Variants in ELAVL2 observed in about 807,000 individuals in gnomAD.
The protein encoded by ELAVL2 is ELAV like RNA binding protein 2.
A neutral mutation model predicts 34.6 loss-of-function variants in ELAVL2; 4 were observed. The ratio of observed to expected loss-of-function variants is 0.12; its 90% confidence interval spans 0.06 to 0.26. The LOEUF (loss-of-function observed/expected upper bound fraction) is 0.26, where lower values mean the gene tolerates loss of function less well. Among genes scored for constraint, ELAVL2 ranks in the 10% least tolerant of loss-of-function variants. The pLI is 1.00. For missense variants in ELAVL2, 432 were observed against 442.8 expected, an observed-to-expected ratio of 0.98 and a Z score of 0.22; for synonymous variants, 193 against 154.8, an observed-to-expected ratio of 1.25 and a Z score of -1.83.
At chr9:23,789,548 A>C (rs1486763281) in intron 1 of ELAVL2, among the ~76,000 whole-genome samples, 1 of 152,242 alleles carries the variant, frequency 6.6e-6, no homozygotes, top group Non-Finnish European at 1.5e-5. Context: ...ACACCTGCTG[A>C]ATGATAAAGC....
chr9:23,800,928 G>A (rs1203142207), intron 1 of ELAVL2, among the ~76,000 whole-genome samples: 1 of 152,070 alleles, frequency 6.6e-6, no homozygotes, highest in Non-Finnish European at 1.5e-5. Context: ...TTTCCTTCCT[G>A]CTTGTTGGAA....
In ELAVL2 at chr9:23,691,432, C is replaced by T; in HGVS notation, c.*1125G>A. The T allele has an allele frequency of 6.6e-6, 1 of 152,458 alleles. No individual in the cohort carries two copies. The highest frequency in any genetic ancestry group is 1.9e-4 in the East Asian group (1 of 5,186). 9.4% of individuals were successfully genotyped at this position (152,458 alleles called of 1,614,324 possible). A position where few individuals can be genotyped will look rare whatever the true frequency, so the allele number is the denominator to read the frequency against. On this transcript the variant is annotated 3_prime_UTR_variant, in exon 7 of 7. Coordinates refer to ENST00000397312, the MANE Select transcript of ELAVL2 (RefSeq NM_004432.5). ...TGTGCAACGTCTTTTTTCCTTAAGACAAAACAATTCTTCAAACAATACTGC... is the reference window on the plus strand; with the variant it reads ...TGTGCAACGTCTTTTTTCCTTAAGATAAAACAATTCTTCAAACAATACTGC...
At chr9:23,809,470 GCATATCTAAGA>G (rs2062684496) in intron 1 of ELAVL2, among the ~76,000 whole-genome samples, 1 of 152,048 alleles carries the variant, frequency 6.6e-6, no homozygotes, top group Non-Finnish European at 1.5e-5. Context: ...TATAAAAATT[GCATATCTAAGA>G]CATGAGAAAA....
Position 23,692,678 on chromosome 9 carries a change from C to A in ELAVL2, c.959G>T (p.Gly320Val), listed in dbSNP as rs780367763. The A allele has an allele frequency of 6.2e-7, 1 of 1,614,180 alleles. No homozygotes were observed. The highest frequency in any genetic ancestry group is 8.5e-7 in the Non-Finnish European group (1 of 1,180,000). The change falls in exon 7 of 7, where the codon GGA becomes GTA. Residue 320 changes from glycine to valine, a missense_variant. Physicochemically the swap from Gly to Val is moderately radical, Grantham distance 109. Around this residue, in one of 3 missense-constraint regions of ELAVL2, gnomAD observed 295 missense variants for 306.1 expected, o/e 0.96. Transcript: ENST00000397312. ...DFNTNKCKGF[G>V]FVTMTNYDEA... ...ATCATAGTTTGTCATAGTCACAAAT[C>A]CAAAACCTTTGCATTTATTGGTGTT... is the stretch of plus-strand genomic sequence containing the variant.
intron 1 of ELAVL2, among the ~76,000 whole-genome samples, chr9:23,772,118 G>A (rs1186354286): frequency 3.3e-5 from 5 of 152,146 alleles, no homozygotes; most frequent in African/African-American, 1.2e-4. Context: ...AGTTAACATA[G>A]TAATCAACAC....
chr9:23,771,945 C>T (rs768207492), intron 1 of ELAVL2, among the ~76,000 whole-genome samples: 39 of 152,178 alleles, frequency 2.6e-4, no homozygotes, highest in Admixed American at 5.9e-4. Flanking sequence ...CCCATTCTTT[C>T]ATTCCAACCT....
At chr9:23,697,758 G>C (rs571467502) in intron 5 of ELAVL2, among the ~76,000 whole-genome samples, 4 of 152,070 alleles carry the variant, frequency 2.6e-5, no homozygotes, top group African/African-American at 9.6e-5. Context: ...CTATGGGAAG[G>C]CCTACATGTA....
At chr9:23,707,715 CT>C (rs1468940559) in intron 3 of ELAVL2, among the ~76,000 whole-genome samples, 2 of 152,166 alleles carry the variant, frequency 1.3e-5, no homozygotes, top group Non-Finnish European at 2.9e-5. Context: ...ACAATTCTAC[CT>C]TCTTTATATG....
chr9:23,712,221 T>C (rs1198267838), intron 3 of ELAVL2, among the ~76,000 whole-genome samples: 1 of 151,850 alleles, frequency 6.6e-6, no homozygotes, highest in African/African-American at 2.4e-5. Context: ...AGAAAAAGAG[T>C]TGGGTGTAGG....
intron 3 of ELAVL2, among the ~76,000 whole-genome samples, chr9:23,708,810 T>C (rs1307858030): frequency 6.6e-6 from 1 of 152,132 alleles, no homozygotes; most frequent in South Asian, 2.1e-4. Flanking sequence ...CTGGCTTTTT[T>C]TGTATTTTTT....
chr9:23,730,897 T>A (rs1021572763), intron 3 of ELAVL2, 125 bp downstream of exon 3: 1 of 837,818 alleles, frequency 1.2e-6, no homozygotes, highest in African/African-American at 1.7e-5. Context: ...ACACCAAAAT[T>A]CCACTATGTC....
At chr9:23,714,833 C>T (rs552917961) in intron 3 of ELAVL2, among the ~76,000 whole-genome samples, 1 of 152,244 alleles carries the variant, frequency 6.6e-6, no homozygotes, top group South Asian at 2.1e-4. Flanking sequence ...AGAGGCTACA[C>T]TCTCAAGTAC....
At position 23,697,818 on chromosome 9, in the gene ELAVL2, A is replaced by G. The variant is rs191047417; in HGVS notation, c.713+3561T>C. Among the ~76,000 whole-genome samples the G allele has an allele frequency of 1.4e-4, 22 of 152,306 alleles. No homozygotes were observed. The East Asian group carries it at 2.3e-3, about 16-fold the overall frequency. On this transcript the variant is annotated intron_variant, in intron 5 of 6. Transcript: ENST00000397312. ...TAAAGTCAGAAATAAAAATAGGAAG[A>G]TAAGTTATTGATGGGTAAGAAAATA...
intron 1 of ELAVL2, chr9:23,764,912 T>A (rs2055891658): frequency 3.3e-6 from 4 of 1,201,628 alleles, no homozygotes; most frequent in Non-Finnish European, 4.8e-6. Flanking sequence ...ATAATTAGTA[T>A]GCCAAATGAA....
chr9:23,767,535 C>A (rs1278054007), intron 1 of ELAVL2, among the ~76,000 whole-genome samples: 3 of 152,296 alleles, frequency 2.0e-5, no homozygotes, highest in Non-Finnish European at 2.9e-5. Context: ...AATCCCAGCA[C>A]TTTGGGAGGC....
At chr9:23,817,851 G>A (rs1459802715) in intron 1 of ELAVL2, among the ~76,000 whole-genome samples, 8 of 152,036 alleles carry the variant, frequency 5.3e-5, no homozygotes, top group Non-Finnish European at 1.2e-4. Context: ...GACTCCAAAA[G>A]TTATCATTTA....
At chr9:23,734,464 C>G (rs1324641521) in intron 2 of ELAVL2, among the ~76,000 whole-genome samples, 2 of 152,166 alleles carry the variant, frequency 1.3e-5, no homozygotes, top group Non-Finnish European at 2.9e-5. Context: ...AAAGTCAGGA[C>G]TTGAAGTCAG....
chr9:23,841,376 T>A, the ELAVL2 span, among the ~76,000 whole-genome samples: 5 of 152,118 alleles, frequency 3.3e-5, no homozygotes, highest in Admixed American at 1.3e-4. Flanking sequence ...CATATCTCTA[T>A]ACAGGAATTC....
At chr9:23,719,180 C>A (rs1013109129) in intron 3 of ELAVL2, among the ~76,000 whole-genome samples, 2 of 152,114 alleles carry the variant, frequency 1.3e-5, no homozygotes, top group South Asian at 4.1e-4. Context: ...TTGAGAATCC[C>A]GTCCTGAGAT....
Sources: gnomAD v4.1 joint callset for allele counts (sites outside exome capture counted in the v4.1 genomes callset) on GRCh38, gnomAD v4.1.1 for gene constraint, gnomAD v4.1.1 regional missense constraint, MANE v1.5 for transcripts, NCBI Gene and HGNC (gene_info 2026-07-23, HGNC 2026-07-21) for gene names.